The following PCDHGA5 variants were observed in gnomAD, a reference collection of about 807,000 sequenced individuals.
The protein encoded by PCDHGA5 is protocadherin gamma-A5.
A neutral mutation model predicts 56.7 loss-of-function variants in PCDHGA5; 36 were observed. That is an observed-to-expected ratio of 0.64 (90% CI 0.49 to 0.84). The LOEUF (loss-of-function observed/expected upper bound fraction) is 0.84. Among genes scored for constraint, PCDHGA5 ranks in the 40% least tolerant of loss-of-function variants. The pLI, the probability that PCDHGA5 is intolerant of heterozygous loss-of-function variation, is 0.00. For synonymous variants in PCDHGA5, 563 were observed against 520.2 expected, an observed-to-expected ratio of 1.08 and a Z score of -1.12; for missense variants, 1,305 against 1,201.5, an observed-to-expected ratio of 1.09 and a Z score of -1.27.
At chr5:141,404,102 T>C (rs1288980459) in intron 1 of PCDHGA5, 16 of 1,613,462 alleles carry the variant, frequency 9.9e-6, no homozygotes, top group Non-Finnish European at 8.5e-7. Context: ...TCAAGTTGTC[T>C]GTTCTATCCA....
At chr5:141,375,902 C>T (rs890373642) in intron 1 of PCDHGA5, 5 of 1,613,666 alleles carry the variant, frequency 3.1e-6, no homozygotes, top group African/African-American at 1.3e-5. Context: ...GCTGTCCTAC[C>T]GCCTGCTCAA....
chr5:141,405,118 G>T (rs368800698), intron 1 of PCDHGA5: 1 of 1,613,946 alleles, frequency 6.2e-7, no homozygotes, highest in Non-Finnish European at 8.5e-7. Context: ...GGCACTCCTC[G>T]CATCTGCTGC....
At chr5:141,366,777 G>T in intron 1 of PCDHGA5, 26 bp downstream of exon 1, 1 of 1,587,140 alleles carries the variant, frequency 6.3e-7, no homozygotes, top group South Asian at 1.1e-5. Flanking sequence ...CGGTAAGGAT[G>T]ACCAGAACAT....
chr5:141,460,275 A>G (rs2154566824), intron 1 of PCDHGA5, among the ~76,000 whole-genome samples: 1 of 152,098 alleles, frequency 6.6e-6, no homozygotes, highest in East Asian at 1.9e-4. Context: ...TTTTTCTTTT[A>G]TAGTTTGTAT....
At chr5:141,387,739 C>T (rs182945836) in intron 1 of PCDHGA5, 1 of 1,328,598 alleles carries the variant, frequency 7.5e-7, no homozygotes, top group East Asian at 2.5e-5. Context: ...AGCCTTTACA[C>T]CGCTTCCTCC....
intron 1 of PCDHGA5, chr5:141,389,454 C>T (rs544789937): frequency 6.2e-7 from 1 of 1,612,960 alleles, no homozygotes; most frequent in African/African-American, 1.3e-5. Context: ...CGAGCAGCTG[C>T]GCGCCTTCGA....
intron 1 of PCDHGA5, chr5:141,392,574 C>G (rs2092557177): frequency 2.2e-6 from 1 of 454,134 alleles, no homozygotes; most frequent in African/African-American, 2.0e-5. Flanking sequence ...CTATTTAGGA[C>G]TGTAAGCGCC....
chr5:141,395,542 T>TTGTTTGTTTGTG (rs1267535064), intron 1 of PCDHGA5: 1 of 168,708 alleles, frequency 5.9e-6, no homozygotes, highest in African/African-American at 5.7e-5. Flanking sequence ...TTGCTATTGT[T>TTGTTTGTTTGTG]TGTGTGTGTG....
intron 1 of PCDHGA5, among the ~76,000 whole-genome samples, chr5:141,470,729 G>T (rs1253040487): frequency 6.6e-6 from 1 of 152,102 alleles, no homozygotes; most frequent in Non-Finnish European, 1.5e-5. Context: ...TCAGGGTCTT[G>T]CTCTGTCGCC....
chr5:141,407,139 A>G lies in PCDHGA5; in HGVS notation c.2421+40388A>G, dbSNP rs190510544. Among the ~76,000 whole-genome samples, 1,517 of 152,332 alleles carry G rather than the reference A, an allele frequency of 1.0e-2. 33 individuals carry two copies. The highest frequency in any genetic ancestry group is 0.034 in the African/African-American group (1,425 of 41,568). On this transcript the variant is annotated intron_variant, in intron 1 of 3. Coordinates refer to ENST00000518069, the MANE Select transcript of PCDHGA5 (RefSeq NM_018918.3). ...TTTCAGTTGCTTTATTTTTAAGAAA[A>G]AAAAGCTGAAGTGTCTGGGAATCCT...
At chr5:141,480,059 T>G (rs1169389701) in intron 1 of PCDHGA5, among the ~76,000 whole-genome samples, 1 of 152,096 alleles carries the variant, frequency 6.6e-6, no homozygotes, top group African/African-American at 2.4e-5. Context: ...GAATAATAAG[T>G]GTTTTATAAG....
chr5:141,421,118 T>C (rs572827470), intron 1 of PCDHGA5: 2 of 771,948 alleles, frequency 2.6e-6, no homozygotes, highest in Non-Finnish European at 2.0e-6. Context: ...GTATTTTCCT[T>C]CGCTTTCTGA....
intron 1 of PCDHGA5, chr5:141,388,479 C>A (rs1345463224): frequency 6.2e-7 from 1 of 1,613,770 alleles, no homozygotes. Context: ...ATTGAAGACA[C>A]CTTTGGACAG....
chr5:141,399,832 G>A, intron 1 of PCDHGA5: 1 of 1,613,152 alleles, frequency 6.2e-7, no homozygotes, highest in African/African-American at 1.3e-5. Flanking sequence ...CGACGGCTCT[G>A]CGCTCTTCGA....
intron 1 of PCDHGA5, among the ~76,000 whole-genome samples, chr5:141,475,520 C>T (rs2099364531): frequency 6.6e-6 from 1 of 152,204 alleles, no homozygotes; most frequent in Non-Finnish European, 1.5e-5. Context: ...CACGGAAATG[C>T]TAAATGCCTC....
At chr5:141,428,001 T>G (rs149531447) in intron 1 of PCDHGA5, 10 of 1,601,704 alleles carry the variant, frequency 6.2e-6, no homozygotes, top group Non-Finnish European at 8.5e-6. Flanking sequence ...CTCCGCACTC[T>G]TCGATATAGT....
In PCDHGA5 at chr5:141,476,501, A is replaced by G; in HGVS notation, c.2422-18306A>G. 1.2e-6 allele frequency: 2 copies of G among 1,614,026 alleles called. No homozygotes were observed. Among genetic ancestry groups the G allele is most frequent in the Non-Finnish European group, 1.7e-6 (2 of 1,180,006 alleles). On this transcript the variant is annotated intron_variant, in intron 1 of 3. Coordinates refer to ENST00000518069, the MANE Select transcript of PCDHGA5 (RefSeq NM_018918.3). The surrounding 1 kb of genome is among the most constrained non-coding windows in gnomAD (Gnocchi z 7.6). ...CGTGGAAGTGGTGATCCAGGACATCAACGACAACAATCCTGCTTTCCCTAC... is the reference window on the plus strand; with the variant it reads ...CGTGGAAGTGGTGATCCAGGACATCGACGACAACAATCCTGCTTTCCCTAC...
chr5:141,432,753 C>G lies in PCDHGA5; in HGVS notation c.2422-62054C>G. ...ACTGTCACGCTCACCGTGGCCGTGGCCGACAGCATCCCCCAAGTCCTGGCG... is the reference window on the plus strand; with the variant it reads ...ACTGTCACGCTCACCGTGGCCGTGGGCGACAGCATCCCCCAAGTCCTGGCG... On this transcript the variant is annotated intron_variant, in intron 1 of 3. Coordinates refer to ENST00000518069, the MANE Select transcript of PCDHGA5 (RefSeq NM_018918.3). The surrounding 1 kb of genome is among the most constrained non-coding windows in gnomAD (Gnocchi z 6.0). 1 of 1,614,138 alleles carries G rather than the reference C, an allele frequency of 6.2e-7. No individual in the cohort carries two copies. The highest frequency in any genetic ancestry group is 8.5e-7 in the Non-Finnish European group (1 of 1,179,996).
chr5:141,487,435 A>G lies in PCDHGA5; in HGVS notation c.2422-7372A>G, dbSNP rs776328527. On this transcript the variant is annotated intron_variant, in intron 1 of 3. Transcript: ENST00000518069. The surrounding 1 kb of genome is among the most constrained non-coding windows in gnomAD (Gnocchi z 5.0). ...CCAATGGGATCCTCCGAATCCAGCT[A>G]GGGTCAGATGACCCTATCAAGTTTG... 3.7e-6 allele frequency: 6 copies of G among 1,614,164 alleles called. No individual in the cohort carries two copies. In the South Asian group the frequency reaches 6.6e-5, roughly 18 times the overall value.
Sources: allele counts gnomAD v4.1 joint callset (sites outside exome capture counted in the v4.1 genomes callset), GRCh38; gene constraint gnomAD v4.1.1; non-coding constraint Gnocchi (gnomAD v3.1); transcripts MANE v1.5; gene names NCBI Gene and HGNC (gene_info 2026-07-23, HGNC 2026-07-21).